The following PACRG variants were observed in gnomAD, a reference collection of about 807,000 sequenced individuals.
PACRG encodes parkin coregulated gene protein.
PACRG carries 29 observed loss-of-function variants against 29.7 expected under a neutral mutation model. That is an observed-to-expected ratio of 0.98 (90% CI 0.73 to 1.33). PACRG has a LOEUF of 1.33. Ranked by LOEUF, PACRG falls within the 40% of genes most tolerant of loss-of-function variation. The pLI is 0.00. For missense variants in PACRG, 279 were observed against 316.2 expected, an observed-to-expected ratio of 0.88 and a Z score of 0.89; for synonymous variants, 116 against 118.7, an observed-to-expected ratio of 0.98 and a Z score of 0.15.
chr6:162,810,812 C>G (rs1235080068), intron 1 of PACRG, among the ~76,000 whole-genome samples: 1 of 152,032 alleles, frequency 6.6e-6, no homozygotes, highest in Non-Finnish European at 1.5e-5. Context: ...AACAAAAGAT[C>G]TAACATTAAT....
intron 2 of PACRG, among the ~76,000 whole-genome samples, chr6:162,934,852 T>C (rs1798119978): frequency 6.6e-6 from 1 of 152,210 alleles, no homozygotes; most frequent in African/African-American, 2.4e-5. Flanking sequence ...CTTAAACATT[T>C]CTTGTAGCAC....
At chr6:163,064,838 G>GTT (rs5881503) in intron 3 of PACRG, among the ~76,000 whole-genome samples, 90 of 147,728 alleles carry the variant, frequency 6.1e-4, no homozygotes, top group East Asian at 2.4e-3. Context: ...CAGACTAGAA[G>GTT]TTTTTTTTTT....
intron 4 of PACRG, among the ~76,000 whole-genome samples, chr6:163,104,898 A>T (rs1562918465): frequency 6.6e-6 from 1 of 152,360 alleles, no homozygotes; most frequent in Non-Finnish European, 1.5e-5. Flanking sequence ...GTTGTATATT[A>T]TACAGAGAAG....
intron 2 of PACRG, among the ~76,000 whole-genome samples, chr6:163,033,029 C>T (rs1394263739): frequency 6.6e-6 from 1 of 152,184 alleles, no homozygotes; most frequent in African/African-American, 2.4e-5. Context: ...CTTGCTTAAG[C>T]CTTCAGCTTC....
intron 2 of PACRG, among the ~76,000 whole-genome samples, chr6:163,011,319 C>T (rs1055942447): frequency 5.3e-5 from 8 of 152,202 alleles, no homozygotes; most frequent in South Asian, 4.1e-4. Context: ...GCGGTGTAGC[C>T]GATTGCCCCC....
At chr6:163,066,041 C>A (rs2128271495) in intron 3 of PACRG, among the ~76,000 whole-genome samples, 1 of 152,218 alleles carries the variant, frequency 6.6e-6, no homozygotes, top group Non-Finnish European at 1.5e-5. Context: ...AAGAGATGTT[C>A]TAGGAGGAAA....
chr6:162,819,014 G>A (rs1185936989), intron 2 of PACRG, among the ~76,000 whole-genome samples: 1 of 152,072 alleles, frequency 6.6e-6, no homozygotes, highest in African/African-American at 2.4e-5. Flanking sequence ...CACAGCACCC[G>A]ATCAACCCAC....
At chr6:162,754,362 C>T (rs1781736678) in intron 1 of PACRG, among the ~76,000 whole-genome samples, 1 of 151,972 alleles carries the variant, frequency 6.6e-6, no homozygotes, top group African/African-American at 2.4e-5. Flanking sequence ...TGTTTGAGTT[C>T]CATATACCAT....
At chr6:162,785,738 A>T (rs1784417447) in intron 1 of PACRG, among the ~76,000 whole-genome samples, 1 of 152,288 alleles carries the variant, frequency 6.6e-6, no homozygotes, top group South Asian at 2.1e-4. Context: ...GCTACCACTG[A>T]TCTAACAGGA....
At chr6:163,188,430 C>T (rs1780054439) in intron 4 of PACRG, among the ~76,000 whole-genome samples, 1 of 152,208 alleles carries the variant, frequency 6.6e-6, no homozygotes, top group Non-Finnish European at 1.5e-5. Flanking sequence ...AATCTAACGT[C>T]ATCTCTTAGA....
intron 2 of PACRG, among the ~76,000 whole-genome samples, chr6:163,061,265 G>A (rs369300570): frequency 2.0e-5 from 3 of 152,260 alleles, no homozygotes; most frequent in South Asian, 2.1e-4. Context: ...CAGCTCTGCC[G>A]CCTTGCTGGC....
At chr6:163,095,321 C>A in intron 4 of PACRG, 1 of 985,162 alleles carries the variant, frequency 1.0e-6, no homozygotes, top group Non-Finnish European at 1.2e-6. Context: ...TCTCTATGTG[C>A]TCTTCTCTGT....
At chr6:163,269,877 GAAAGAAAGAAAGAAAACAA>G (rs1316033172) in intron 4 of PACRG, among the ~76,000 whole-genome samples, 1 of 34,078 alleles carries the variant, frequency 2.9e-5, no homozygotes, top group African/African-American at 1.3e-4. Flanking sequence ...GAGAAAGAAA[GAAAGAAAGAAAGAAAACAA>G]AGAAAGAAAG....
chr6:163,172,154 G>A (rs1380720315), intron 4 of PACRG, among the ~76,000 whole-genome samples: 2 of 152,146 alleles, frequency 1.3e-5, no homozygotes, highest in African/African-American at 2.4e-5. Context: ...TTTAAAACAA[G>A]GCCAAGTGCC....
chr6:163,226,734 C>G (rs1781818739), intron 4 of PACRG, among the ~76,000 whole-genome samples: 1 of 152,196 alleles, frequency 6.6e-6, no homozygotes, highest in Non-Finnish European at 1.5e-5. Flanking sequence ...TGGCTCACAT[C>G]CCAGTGCCTG....
intron 2 of PACRG, among the ~76,000 whole-genome samples, chr6:162,961,057 G>A (rs943763435): frequency 1.3e-5 from 2 of 152,160 alleles, no homozygotes; most frequent in African/African-American, 4.8e-5. Context: ...TACTTACCTT[G>A]CTGTTTGAAT....
intron 2 of PACRG, among the ~76,000 whole-genome samples, chr6:162,845,685 A>C (rs1790309403): frequency 6.6e-6 from 1 of 152,206 alleles, no homozygotes; most frequent in African/African-American, 2.4e-5. Context: ...TCAGAAGCTT[A>C]GGACTTTAGC....
chr6:162,894,077 G>A (rs999256098), intron 2 of PACRG, among the ~76,000 whole-genome samples: 1 of 152,190 alleles, frequency 6.6e-6, no homozygotes, highest in Non-Finnish European at 1.5e-5. Flanking sequence ...AGCTGCTGTT[G>A]CTTGGCCTTG....
At chr6:162,868,221 G>A (rs1419717538) in intron 2 of PACRG, among the ~76,000 whole-genome samples, 2 of 152,178 alleles carry the variant, frequency 1.3e-5, no homozygotes, top group Non-Finnish European at 2.9e-5. Flanking sequence ...AACTAGAGGC[G>A]ATAGGCCGCC....
Sources: gnomAD v4.1 joint callset for allele counts (sites outside exome capture counted in the v4.1 genomes callset) on GRCh38, gnomAD v4.1.1 for gene constraint, MANE v1.5 for transcripts, NCBI Gene and HGNC (gene_info 2026-07-23, HGNC 2026-07-21) for gene names.